The following CPNE4 variants were observed in gnomAD, a reference collection of about 807,000 sequenced individuals.
The protein encoded by CPNE4 is copine-4.
CPNE4 carries 25 observed loss-of-function variants against 67.9 expected under a neutral mutation model. The ratio of observed to expected loss-of-function variants is 0.37; its 90% CI spans 0.27 to 0.51. CPNE4 has a LOEUF of 0.51. Ranked by LOEUF, CPNE4 falls within the 20% of genes least tolerant of loss-of-function variation. The pLI, the probability that CPNE4 is intolerant of heterozygous loss-of-function variation, is 0.93. For synonymous variants in CPNE4, 242 were observed against 244.9 expected, an observed-to-expected ratio of 0.99 and a Z score of 0.11; for missense variants, 464 against 690.8, an observed-to-expected ratio of 0.67 and a Z score of 3.68.
At chr3:131,759,119 C>T (rs569055733) in intron 2 of CPNE4, among the ~76,000 whole-genome samples, 2 of 152,186 alleles carry the variant, frequency 1.3e-5, no homozygotes, top group South Asian at 2.1e-4. Flanking sequence ...TAGAAGAATC[C>T]AAGCAAGAAG....
At chr3:132,037,453 C>T, upstream of CPNE4, 1 of 832,948 alleles carries the variant, frequency 1.2e-6, no homozygotes, top group South Asian at 1.5e-5. Flanking sequence ...TTGTAACCAG[C>T]TAATAATCCA....
intron 7 of CPNE4, among the ~76,000 whole-genome samples, chr3:131,606,788 A>G (rs1238900118): frequency 6.6e-6 from 1 of 150,676 alleles, no homozygotes; most frequent in Non-Finnish European, 1.5e-5. Flanking sequence ...TACTCCAGCC[A>G]CCCTCTAAAT....
intron 10 of CPNE4, among the ~76,000 whole-genome samples, chr3:131,569,782 G>GA (rs1301609995): frequency 6.6e-6 from 1 of 151,738 alleles, no homozygotes; most frequent in Non-Finnish European, 1.5e-5. Context: ...CAGTCTGGGA[G>GA]AAGTTGCATT....
At chr3:131,864,964 T>A (rs1452057103) in intron 2 of CPNE4, among the ~76,000 whole-genome samples, 1 of 149,962 alleles carries the variant, frequency 6.7e-6, no homozygotes, top group Non-Finnish European at 1.5e-5. Flanking sequence ...ATTGAGATAA[T>A]CGTGGTTTTC....
At chr3:131,624,116 C>T (rs1027773835) in intron 7 of CPNE4, among the ~76,000 whole-genome samples, 2 of 152,226 alleles carry the variant, frequency 1.3e-5, no homozygotes, top group South Asian at 2.1e-4. Context: ...GTTTTGTCTG[C>T]GAATTTGGAT....
intron 1 of CPNE4, among the ~76,000 whole-genome samples, chr3:131,914,364 C>T (rs563134381): frequency 6.6e-6 from 1 of 152,302 alleles, no homozygotes; most frequent in East Asian, 1.9e-4. Flanking sequence ...TTTCTTGGCC[C>T]ATCTAGCTTC....
At chr3:131,780,480 T>A (rs1220554843) in intron 2 of CPNE4, among the ~76,000 whole-genome samples, 3 of 152,118 alleles carry the variant, frequency 2.0e-5, no homozygotes, top group Non-Finnish European at 4.4e-5. Context: ...ATACACACCA[T>A]GGAATACTAC....
intron 1 of CPNE4, among the ~76,000 whole-genome samples, chr3:131,913,326 T>C (rs1342792107): frequency 6.6e-6 from 1 of 152,168 alleles, no homozygotes; most frequent in Non-Finnish European, 1.5e-5. Context: ...GCATGCATAT[T>C]AAGAGCCAAA....
At chr3:131,876,854 T>C (rs1388645321) in intron 2 of CPNE4, among the ~76,000 whole-genome samples, 1 of 152,028 alleles carries the variant, frequency 6.6e-6, no homozygotes, top group Non-Finnish European at 1.5e-5. Context: ...TCACAGTGAG[T>C]ACCATGTAGA....
At chr3:131,545,817 A>ACTT (rs1935804210) in intron 14 of CPNE4, among the ~76,000 whole-genome samples, 1 of 152,220 alleles carries the variant, frequency 6.6e-6, no homozygotes, top group Non-Finnish European at 1.5e-5. Flanking sequence ...TAATCCTAGC[A>ACTT]CTTTGGAAGG....
intron 2 of CPNE4, among the ~76,000 whole-genome samples, chr3:131,818,614 G>C (rs567972454): frequency 6.6e-6 from 1 of 152,170 alleles, no homozygotes; most frequent in South Asian, 2.1e-4. Flanking sequence ...CTAACCTGTT[G>C]AATCAGAATC....
At chr3:131,775,233 A>G (rs1363881252) in intron 2 of CPNE4, among the ~76,000 whole-genome samples, 1 of 152,138 alleles carries the variant, frequency 6.6e-6, no homozygotes, top group Non-Finnish European at 1.5e-5. Context: ...GTCTGGGGCT[A>G]TGAGGCAGTA....
At chr3:131,860,005 T>TAC (rs2086608330) in intron 2 of CPNE4, among the ~76,000 whole-genome samples, 1 of 152,134 alleles carries the variant, frequency 6.6e-6, no homozygotes, top group Non-Finnish European at 1.5e-5. Context: ...ATAATCTCCC[T>TAC]CATTCCTTTT....
intron 1 of CPNE4, among the ~76,000 whole-genome samples, chr3:131,907,731 A>G (rs1267197765): frequency 6.6e-6 from 1 of 152,182 alleles, no homozygotes; most frequent in East Asian, 1.9e-4. Context: ...AGAGATTGCA[A>G]GTACCACAAA....
At chr3:131,773,029 G>A (rs1046300636) in intron 2 of CPNE4, among the ~76,000 whole-genome samples, 2 of 152,062 alleles carry the variant, frequency 1.3e-5, no homozygotes, top group African/African-American at 4.8e-5. Context: ...ATGACAAAGG[G>A]ATAGAATTAG....
intron 2 of CPNE4, among the ~76,000 whole-genome samples, chr3:131,747,560 C>A (rs2082523192): frequency 2.0e-5 from 3 of 151,958 alleles, no homozygotes; most frequent in African/African-American, 7.2e-5. Context: ...AAATTTGAGA[C>A]AGGGTCTCAC....
At chr3:131,578,787 T>C (rs572651609) in intron 9 of CPNE4, among the ~76,000 whole-genome samples, 13 of 152,294 alleles carry the variant, frequency 8.5e-5, no homozygotes, top group African/African-American at 3.1e-4. Flanking sequence ...CCTAACTCAC[T>C]TCAATTCTAT....
chr3:131,624,310 A>G (rs1051365542), intron 7 of CPNE4, among the ~76,000 whole-genome samples: 3 of 152,136 alleles, frequency 2.0e-5, no homozygotes, highest in African/African-American at 4.8e-5. Flanking sequence ...CATTTTAACC[A>G]TAAGATACAT....
At chr3:131,651,265 C>G (rs1043517966) in intron 7 of CPNE4, among the ~76,000 whole-genome samples, 2 of 152,242 alleles carry the variant, frequency 1.3e-5, no homozygotes, top group East Asian at 3.9e-4. Flanking sequence ...ATGGGGCTCT[C>G]TGAGCTTTTA....
Sources: allele counts gnomAD v4.1 joint callset (sites outside exome capture counted in the v4.1 genomes callset), GRCh38; gene constraint gnomAD v4.1.1; transcripts MANE v1.5; gene names NCBI Gene and HGNC (gene_info 2026-07-23, HGNC 2026-07-21).